WWOX: variants seen among roughly 807,000 people sequenced by gnomAD.
The protein encoded by WWOX is WW domain containing oxidoreductase.
Under a neutral mutation model 46.2 loss-of-function variants are expected in WWOX, and 69 were observed. The observed-to-expected ratio is 1.49, with a 90% CI of 1.23 to 1.82. The LOEUF is 1.82. WWOX is among the 40% of genes most tolerant of loss of function. The pLI is 0.00. For synonymous variants in WWOX, 359 were observed against 202.6 expected, an observed-to-expected ratio of 1.77 and a Z score of -6.56; for missense variants, 919 against 542.6, an observed-to-expected ratio of 1.69 and a Z score of -6.89.
intron 8 of WWOX, among the ~76,000 whole-genome samples, chr16:78,826,971 C>T (rs1421064696): frequency 6.6e-6 from 1 of 152,174 alleles, no homozygotes; most frequent in Non-Finnish European, 1.5e-5. Flanking sequence ...TTCCTTGCCT[C>T]TTGAGGACTA....
At chr16:78,322,690 T>G (rs1413160660) in intron 5 of WWOX, among the ~76,000 whole-genome samples, 3 of 152,218 alleles carry the variant, frequency 2.0e-5, no homozygotes, top group Admixed American at 2.0e-4. Context: ...ATCAACAAAG[T>G]TACTCTGTGG....
chr16:79,032,941 C>G (rs2047794087), intron 8 of WWOX, among the ~76,000 whole-genome samples: 1 of 151,270 alleles, frequency 6.6e-6, no homozygotes, highest in Non-Finnish European at 1.5e-5. Context: ...TTTGGTAGGC[C>G]CCAGTGTCTT....
At chr16:78,971,476 A>G (rs1386612922) in intron 8 of WWOX, among the ~76,000 whole-genome samples, 2 of 142,748 alleles carry the variant, frequency 1.4e-5, no homozygotes, top group Non-Finnish European at 3.0e-5. Context: ...AAAAAAAAAG[A>G]GAGAGATAGG....
chr16:79,183,457 A>C (rs2050952196), intron 8 of WWOX, among the ~76,000 whole-genome samples: 1 of 152,212 alleles, frequency 6.6e-6, no homozygotes, highest in African/African-American at 2.4e-5. Context: ...AGGCTCAAAG[A>C]GATTAAATGT....
At chr16:78,909,034 A>G (rs1214729306) in intron 8 of WWOX, among the ~76,000 whole-genome samples, 1 of 152,188 alleles carries the variant, frequency 6.6e-6, no homozygotes, top group Non-Finnish European at 1.5e-5. Context: ...GGCTGTTATC[A>G]TCTTTTGTTT....
intron 8 of WWOX, among the ~76,000 whole-genome samples, chr16:78,639,922 T>A (rs562915131): frequency 6.6e-6 from 1 of 152,262 alleles, no homozygotes; most frequent in East Asian, 1.9e-4. Flanking sequence ...GGTGATCTAA[T>A]GTCAACTGTG....
intron 8 of WWOX, among the ~76,000 whole-genome samples, chr16:79,081,373 A>T (rs933997558): frequency 6.6e-6 from 1 of 152,154 alleles, no homozygotes. Flanking sequence ...CGTGTTGGCC[A>T]GGCTGGTCTT....
At chr16:78,866,969 C>G (rs1391863975) in intron 8 of WWOX, among the ~76,000 whole-genome samples, 1 of 152,152 alleles carries the variant, frequency 6.6e-6, no homozygotes, top group Non-Finnish European at 1.5e-5. Context: ...AATATGATAG[C>G]CAAAGGGTTT....
chr16:78,753,261 C>T (rs1475428456), intron 8 of WWOX, among the ~76,000 whole-genome samples: 1 of 152,030 alleles, frequency 6.6e-6, no homozygotes, highest in Non-Finnish European at 1.5e-5. Flanking sequence ...GATTACACCA[C>T]TACCCTCCAG....
intron 8 of WWOX, among the ~76,000 whole-genome samples, chr16:78,568,625 G>A (rs1427882977): frequency 2.0e-5 from 3 of 151,784 alleles, no homozygotes; most frequent in African/African-American, 4.8e-5. Flanking sequence ...ACAGGCACCC[G>A]CCGCCACACC....
chr16:79,201,564 A>G (rs2051352866), intron 8 of WWOX, among the ~76,000 whole-genome samples: 1 of 152,162 alleles, frequency 6.6e-6, no homozygotes, highest in African/African-American at 2.4e-5. Flanking sequence ...CTGTCAATTA[A>G]TGCATTTACA....
intron 5 of WWOX, among the ~76,000 whole-genome samples, chr16:78,263,388 A>C (rs2079288299): frequency 6.6e-6 from 1 of 152,112 alleles, no homozygotes. Flanking sequence ...CTCACCCCTT[A>C]ATTCAGGATG....
intron 8 of WWOX, among the ~76,000 whole-genome samples, chr16:79,121,881 G>A (rs1028707148): frequency 7.2e-5 from 11 of 152,132 alleles, no homozygotes; most frequent in Non-Finnish European, 1.3e-4. Flanking sequence ...AAGAGGTCGT[G>A]TGTGTGTTTG....
intron 8 of WWOX, among the ~76,000 whole-genome samples, chr16:78,772,874 A>G (rs2050098045): frequency 6.6e-6 from 1 of 152,070 alleles, no homozygotes. Flanking sequence ...AAAATCAAAA[A>G]AATAATGGGG....
At chr16:78,150,858 A>G (rs1202545560) in intron 4 of WWOX, among the ~76,000 whole-genome samples, 2 of 151,880 alleles carry the variant, frequency 1.3e-5, no homozygotes, top group Non-Finnish European at 2.9e-5. Flanking sequence ...CCTCACCCAC[A>G]TTGCTCAGAA....
intron 5 of WWOX, among the ~76,000 whole-genome samples, chr16:78,165,039 G>A (rs1042052390): frequency 2.0e-5 from 3 of 152,192 alleles, no homozygotes; most frequent in African/African-American, 7.2e-5. Flanking sequence ...TCAGAGGTAG[G>A]CACAAGCCTG....
intron 8 of WWOX, among the ~76,000 whole-genome samples, chr16:79,104,613 A>G (rs907000935): frequency 2.6e-5 from 4 of 152,192 alleles, no homozygotes; most frequent in Non-Finnish European, 4.4e-5. Context: ...AGGCAGATAG[A>G]TGCACATATG....
chr16:79,012,424 G>T (rs1336304291), intron 8 of WWOX, among the ~76,000 whole-genome samples: 2 of 152,040 alleles, frequency 1.3e-5, no homozygotes, highest in Admixed American at 6.6e-5. Flanking sequence ...GTAGAGATGG[G>T]GTTTCACCAC....
At chr16:78,948,786 G>A (rs2045999621) in intron 8 of WWOX, among the ~76,000 whole-genome samples, 1 of 152,132 alleles carries the variant, frequency 6.6e-6, no homozygotes, top group Non-Finnish European at 1.5e-5. Flanking sequence ...AAGGGACCTT[G>A]CAGATGTAAT....
Sources: gnomAD v4.1 joint callset for allele counts (sites outside exome capture counted in the v4.1 genomes callset) on GRCh38, gnomAD v4.1.1 for gene constraint, MANE v1.5 for transcripts, NCBI Gene and HGNC (gene_info 2026-07-23, HGNC 2026-07-21) for gene names.